MCTP1: variants seen among roughly 807,000 people sequenced by gnomAD.
MCTP1 encodes multiple C2 and transmembrane domain containing 1, also known as multiple C2 and transmembrane domain-containing protein 1.
MCTP1 carries 69 observed loss-of-function variants against 120.6 expected under a neutral mutation model. That is an observed-to-expected ratio of 0.57 (90% CI 0.47 to 0.70). The LOEUF is 0.70. Among genes scored for constraint, MCTP1 ranks in the 30% least tolerant of loss-of-function variants. The pLI, the probability that MCTP1 is intolerant of heterozygous loss-of-function variation, is 0.00. For synonymous variants in MCTP1, 529 were observed against 493.1 expected (o/e 1.07, Z -0.96); for missense variants, 1,203 against 1,248.8 (o/e 0.96, Z 0.55).
intron 17 of MCTP1, among the ~76,000 whole-genome samples, chr5:94,862,619 A>G (rs1325048262): frequency 6.6e-6 from 1 of 151,838 alleles, no homozygotes; most frequent in Non-Finnish European, 1.5e-5. Context: ...GGTTGATTTT[A>G]GCCAATAGTG....
chr5:95,138,331 C>T (rs1398558003), intron 1 of MCTP1, among the ~76,000 whole-genome samples: 1 of 151,318 alleles, frequency 6.6e-6, no homozygotes, highest in Non-Finnish European at 1.5e-5. Flanking sequence ...GAAAACAAGG[C>T]CCAGAGAGCT....
chr5:94,962,582 G>A (rs1824547807), intron 2 of MCTP1, among the ~76,000 whole-genome samples: 1 of 151,906 alleles, frequency 6.6e-6, no homozygotes, highest in Non-Finnish European at 1.5e-5. Context: ...CAACCTGGAT[G>A]GGATTGGAGA....
At chr5:94,856,439 TTGAC>T (rs965325484) in intron 17 of MCTP1, among the ~76,000 whole-genome samples, 1 of 151,774 alleles carries the variant, frequency 6.6e-6, no homozygotes, top group African/African-American at 2.4e-5. Flanking sequence ...ATTGTAAACA[TTGAC>T]TGTTTCTTGA....
rs373174876 is a variant in MCTP1 at position 94,847,682 on chromosome 5, G to GTATATA, written c.2436+20645_2436+20650dup. 4.6e-4 allele frequency among the ~76,000 whole-genome samples: 47 copies of GTATATA among 102,400 alleles called. 1 individual carries two copies. The highest frequency in any genetic ancestry group is 1.3e-3 in the African/African-American group (35 of 26,138). 67.2% of individuals were successfully genotyped at this position (102,400 alleles called of 152,430 possible). A position where few individuals can be genotyped will look rare whatever the true frequency, so the allele number is the denominator to read the frequency against. On this transcript the variant is annotated intron_variant, in intron 17 of 22. Transcript: ENST00000515393. Reference sequence around the variant, plus strand: ...TGTGTGTGTGTGTGTGTGTGTGTGTGTATATATATATATATATATATATGT... The same window carrying GTATATA: ...TGTGTGTGTGTGTGTGTGTGTGTGTGTATATATATATATATATATATATATATATGT...
chr5:94,927,324 T>C (rs566011402), intron 6 of MCTP1, among the ~76,000 whole-genome samples: 158 of 152,330 alleles, frequency 1.0e-3, no homozygotes, highest in African/African-American at 3.6e-3. Context: ...ATCTCAGAAG[T>C]CTTGCTTATG....
chr5:95,138,017 G>T (rs1759576412), intron 1 of MCTP1, among the ~76,000 whole-genome samples: 1 of 152,084 alleles, frequency 6.6e-6, no homozygotes, highest in South Asian at 2.1e-4. Flanking sequence ...TCCAGTTCTA[G>T]ATAACAATCA....
intron 1 of MCTP1, among the ~76,000 whole-genome samples, chr5:95,257,541 A>G (rs980330850): frequency 2.0e-5 from 3 of 152,130 alleles, no homozygotes; most frequent in Non-Finnish European, 4.4e-5. Context: ...TACAATTCAT[A>G]TCACAGTTTG....
At chr5:95,271,681 G>T (rs1582707523) in intron 1 of MCTP1, among the ~76,000 whole-genome samples, 1 of 151,880 alleles carries the variant, frequency 6.6e-6, no homozygotes, top group East Asian at 1.9e-4. Flanking sequence ...ACTTACAGGA[G>T]AATGATTATT....
At chr5:95,206,912 A>G (rs192569263) in intron 1 of MCTP1, among the ~76,000 whole-genome samples, 55 of 152,338 alleles carry the variant, frequency 3.6e-4, no homozygotes, top group African/African-American at 1.2e-3. Context: ...ATAATTTAAC[A>G]TTTATTAAAT....
chr5:95,209,655 C>G (rs1407149712), intron 1 of MCTP1, among the ~76,000 whole-genome samples: 2 of 152,148 alleles, frequency 1.3e-5, no homozygotes, highest in African/African-American at 4.8e-5. Context: ...TGGGGTTCAC[C>G]AGTGGCTAAA....
intron 1 of MCTP1, among the ~76,000 whole-genome samples, chr5:95,166,799 C>T (rs1746442062): frequency 6.6e-6 from 1 of 152,080 alleles, no homozygotes; most frequent in Admixed American, 6.5e-5. Context: ...GATCTCCTGA[C>T]CTTGTGATCC....
chr5:94,828,041 C>G (rs1225150755), intron 17 of MCTP1, among the ~76,000 whole-genome samples: 1 of 152,044 alleles, frequency 6.6e-6, no homozygotes, highest in Non-Finnish European at 1.5e-5. Context: ...AAGAGGCATT[C>G]TGGTTTTTGG....
intron 1 of MCTP1, among the ~76,000 whole-genome samples, chr5:95,242,380 G>A (rs1756265090): frequency 6.6e-6 from 1 of 152,028 alleles, no homozygotes; most frequent in Admixed American, 6.6e-5. Context: ...TTTTGAACAA[G>A]AGCCCTCAAA....
chr5:94,888,110 G>A (rs1801740317), intron 12 of MCTP1, among the ~76,000 whole-genome samples: 1 of 152,140 alleles, frequency 6.6e-6, no homozygotes, highest in African/African-American at 2.4e-5. Flanking sequence ...TCTAACTTGA[G>A]ATGGATAATT....
intron 1 of MCTP1, among the ~76,000 whole-genome samples, chr5:95,159,495 G>C (rs1368732129): frequency 6.6e-6 from 1 of 152,126 alleles, no homozygotes; most frequent in Admixed American, 6.5e-5. Flanking sequence ...AAAATCATTT[G>C]TGAAGTGCCC....
intron 19 of MCTP1, among the ~76,000 whole-genome samples, chr5:94,715,459 CCTT>C (rs990931424): frequency 6.6e-6 from 1 of 151,464 alleles, no homozygotes; most frequent in Non-Finnish European, 1.5e-5. Flanking sequence ...AGCCTGACCA[CCTT>C]CTTAAAAATA....
intron 6 of MCTP1, among the ~76,000 whole-genome samples, chr5:94,927,486 C>T (rs1285129478): frequency 6.6e-6 from 1 of 151,930 alleles, no homozygotes; most frequent in Non-Finnish European, 1.5e-5. Context: ...AGAAATATGG[C>T]ACCTAAGAAA....
chr5:94,865,610 G>A (rs750878383), intron 17 of MCTP1, among the ~76,000 whole-genome samples: 5 of 151,782 alleles, frequency 3.3e-5, no homozygotes, highest in Non-Finnish European at 5.9e-5. Flanking sequence ...GGGCTAAAAT[G>A]TCTCTAGTTA....
At chr5:94,896,931 G>C (rs924673006) in intron 10 of MCTP1, among the ~76,000 whole-genome samples, 3 of 152,118 alleles carry the variant, frequency 2.0e-5, no homozygotes, top group Admixed American at 2.0e-4. Flanking sequence ...GAGCCCACCT[G>C]AACCTGGGAC....
Sources: allele counts gnomAD v4.1 joint callset (sites outside exome capture counted in the v4.1 genomes callset), GRCh38; gene constraint gnomAD v4.1.1; transcripts MANE v1.5; gene names NCBI Gene and HGNC (gene_info 2026-07-23, HGNC 2026-07-21).